The following SUSD1 variants were observed in gnomAD, a reference collection of about 807,000 sequenced individuals.
SUSD1 encodes sushi domain containing 1.
Under a neutral mutation model 86.9 loss-of-function variants are expected in SUSD1, and 65 were observed. The observed-to-expected ratio is 0.75, with a 90% CI of 0.61 to 0.92. SUSD1 has a LOEUF of 0.92. Ranked by LOEUF, SUSD1 falls within the 40% of genes least tolerant of loss-of-function variation. The pLI is 0.00. For synonymous variants in SUSD1, 346 were observed against 350.0 expected, an observed-to-expected ratio of 0.99 and a Z score of 0.13; for missense variants, 850 against 929.7, an observed-to-expected ratio of 0.91 and a Z score of 1.11.
In SUSD1 at chr9:112,126,712, G is replaced by A. The variant is rs146741611; in HGVS notation, c.707-2276C>T. The stretch of plus-strand genomic sequence containing the variant: ...ATCCCCTGGGAAGCTTTAGAAAAAC[G>A]CACGTGCTGGAGTCCCACACCCACC... On this transcript the variant is annotated intron_variant, in intron 5 of 16. Transcript: ENST00000374270. Among the ~76,000 whole-genome samples the A allele has an allele frequency of 3.9e-5, 6 of 152,182 alleles. 1 individual carries two copies. The highest frequency in any genetic ancestry group is 1.4e-4 in the African/African-American group (6 of 41,522).
chr9:112,140,956 A>G lies in SUSD1; in HGVS notation c.706+1364T>C, dbSNP rs937137888. Reference sequence around the variant, plus strand: ...ATAAGAAGTACTTATATATCTAAATATAGAAATGATACAGTAAAAATACAG... The same window carrying G: ...ATAAGAAGTACTTATATATCTAAATGTAGAAATGATACAGTAAAAATACAG... On this transcript the variant is annotated intron_variant, in intron 5 of 16. Transcript: ENST00000374270. 3.9e-5 allele frequency among the ~76,000 whole-genome samples: 6 copies of G among 152,242 alleles called. 1 individual carries two copies. The South Asian group carries it at 1.2e-3, about 31-fold the overall frequency.
In SUSD1 at chr9:112,133,251, G is replaced by A. The variant is rs555366205; in HGVS notation, c.707-8815C>T. On this transcript the variant is annotated intron_variant, in intron 5 of 16. Transcript: ENST00000374270. ...GACTGCACCACCACACTCCACCCTG[G>A]GCAACCTCATGTCTGAAAAAAAGAA... 2.0e-4 allele frequency among the ~76,000 whole-genome samples: 31 copies of A among 152,138 alleles called. No homozygotes were observed. In the South Asian group the frequency reaches 5.2e-3, roughly 25 times the overall value.
At chr9:112,164,463 C>A (rs1264893816) in intron 1 of SUSD1, among the ~76,000 whole-genome samples, 1 of 151,254 alleles carries the variant, frequency 6.6e-6, no homozygotes, top group Non-Finnish European at 1.5e-5. Context: ...AGGAGGGTTG[C>A]TTGAGCCCAG....
At chr9:112,063,874 A>G (rs1017033368) in intron 12 of SUSD1, among the ~76,000 whole-genome samples, 2 of 152,116 alleles carry the variant, frequency 1.3e-5, no homozygotes, top group African/African-American at 4.8e-5. Context: ...TTATAGAAGC[A>G]ATCATTTGCT....
At chr9:112,080,457 G>A (rs1281521447) in intron 10 of SUSD1, among the ~76,000 whole-genome samples, 3 of 152,144 alleles carry the variant, frequency 2.0e-5, no homozygotes, top group Admixed American at 1.3e-4. Context: ...GGAGGCCAAG[G>A]CAGGCAGATC....
intron 7 of SUSD1, 152 bp downstream of exon 7, chr9:112,112,619 G>C: frequency 1.9e-6 from 1 of 531,432 alleles, no homozygotes; most frequent in Middle Eastern, 3.2e-4. Flanking sequence ...CTGGGCAACA[G>C]AGTGAGACTG....
chr9:112,073,982 C>T (rs546095072), intron 12 of SUSD1, among the ~76,000 whole-genome samples: 7 of 152,050 alleles, frequency 4.6e-5, no homozygotes, highest in Admixed American at 1.3e-4. Context: ...TTTGGGAGGC[C>T]GAAGTGGGCG....
At chr9:112,062,234 C>T (rs1412837740) in intron 13 of SUSD1, among the ~76,000 whole-genome samples, 2 of 152,162 alleles carry the variant, frequency 1.3e-5, no homozygotes, top group African/African-American at 4.8e-5. Context: ...GGAAATGAAA[C>T]GATGCCCCTG....
At chr9:112,045,364 C>T (rs973229145) in intron 15 of SUSD1, among the ~76,000 whole-genome samples, 2 of 152,122 alleles carry the variant, frequency 1.3e-5, no homozygotes, top group Non-Finnish European at 2.9e-5. Flanking sequence ...GGACAGAAAT[C>T]CATATCATGC....
chr9:112,164,000 C>CA (rs1167956245), intron 1 of SUSD1, among the ~76,000 whole-genome samples: 28 of 141,714 alleles, frequency 2.0e-4, no homozygotes, highest in South Asian at 4.5e-4. Context: ...GACTCTGTCT[C>CA]AAAAAAAAAA....
Position 112,124,459 on chromosome 9 carries a change from A to G in SUSD1, c.707-23T>C, listed in dbSNP as rs753238100. 3.1e-6 allele frequency: 5 copies of G among 1,603,552 alleles called. No individual in the cohort carries two copies. In the African/African-American group the frequency reaches 6.7e-5, roughly 21 times the overall value. ...TCTCTGCAATGGGAACCAAGACAGCACTGGTTATAAGCCCTGACTTCCAGC... is the reference window on the plus strand; with the variant it reads ...TCTCTGCAATGGGAACCAAGACAGCGCTGGTTATAAGCCCTGACTTCCAGC... On this transcript the variant is annotated intron_variant, in intron 5 of 16. Transcript: ENST00000374270.
chr9:112,076,083 C>T (rs1039517466), intron 12 of SUSD1, among the ~76,000 whole-genome samples: 1 of 152,146 alleles, frequency 6.6e-6, no homozygotes, highest in African/African-American at 2.4e-5. Context: ...GGATTCCATT[C>T]TAACTTTAAT....
At chr9:112,121,461 T>C (rs1027349787) in intron 6 of SUSD1, among the ~76,000 whole-genome samples, 48 of 152,242 alleles carry the variant, frequency 3.2e-4, no homozygotes, top group African/African-American at 1.1e-3. Context: ...CTGTTTCCCC[T>C]GTTGCACTGT....
intron 2 of SUSD1, 77 bp downstream of exon 2, chr9:112,157,423 G>A: frequency 1.1e-6 from 1 of 951,736 alleles, no homozygotes; most frequent in Non-Finnish European, 1.6e-6. Flanking sequence ...TTTTCCCCAA[G>A]GACATCAACT....
At chr9:112,060,975 T>C (rs1828697204) in intron 13 of SUSD1, among the ~76,000 whole-genome samples, 1 of 152,182 alleles carries the variant, frequency 6.6e-6, no homozygotes, top group South Asian at 2.1e-4. Flanking sequence ...CCAATTAGCC[T>C]GACCGTAATC....
intron 10 of SUSD1, among the ~76,000 whole-genome samples, chr9:112,093,441 G>A (rs1459333291): frequency 6.6e-6 from 1 of 152,164 alleles, no homozygotes; most frequent in Non-Finnish European, 1.5e-5. Flanking sequence ...TTTTCGGCCT[G>A]AGACTGGGTG....
At chr9:112,101,064 AAATT>A (rs1356993621) in intron 9 of SUSD1, among the ~76,000 whole-genome samples, 1 of 151,922 alleles carries the variant, frequency 6.6e-6, no homozygotes, top group Non-Finnish European at 1.5e-5. Flanking sequence ...TAAATAGAAT[AAATT>A]AATTAATTTT....
chr9:112,045,892 T>A (rs1827935871), intron 15 of SUSD1, among the ~76,000 whole-genome samples: 1 of 152,234 alleles, frequency 6.6e-6, no homozygotes. Flanking sequence ...GCAAGCTCTT[T>A]TCTTTCTTCT....
chr9:112,114,848 A>G (rs1166334972), intron 6 of SUSD1, among the ~76,000 whole-genome samples: 1 of 152,194 alleles, frequency 6.6e-6, no homozygotes, highest in Non-Finnish European at 1.5e-5. Flanking sequence ...AGGGCTGTCC[A>G]ACAAAGACTT....
Sources: allele counts gnomAD v4.1 joint callset (sites outside exome capture counted in the v4.1 genomes callset), GRCh38; gene constraint gnomAD v4.1.1; transcripts MANE v1.5; gene names NCBI Gene and HGNC (gene_info 2026-07-23, HGNC 2026-07-21).